Variants in RBMS3 observed in about 807,000 individuals in gnomAD.
RBMS3 encodes the protein RNA binding motif single stranded interacting protein 3.
Under a neutral mutation model 66.8 loss-of-function variants are expected in RBMS3, and 27 were observed. That is an observed-to-expected ratio of 0.40 (90% confidence interval 0.30 to 0.56). The LOEUF is 0.56. Ranked by LOEUF, RBMS3 falls within the 20% of genes least tolerant of loss-of-function variation. The probability of loss-of-function intolerance (pLI) is 0.40; values close to 1 mark genes in which losing one functional copy is unlikely to be tolerated. For missense variants in RBMS3, 513 were observed against 549.5 expected (o/e 0.93, Z 0.66); for synonymous variants, 188 against 183.0 (o/e 1.03, Z -0.22).
intron 11 of RBMS3, 78 bp from the exon 12 acceptor site, chr3:29,944,129 T>A (rs1319911844): frequency 1.5e-6 from 2 of 1,335,754 alleles, no homozygotes; most frequent in African/African-American, 2.9e-5. Flanking sequence ...AGCGGACTCT[T>A]CCACGTGTTA....
rs534562055 is a variant in RBMS3, at chr3:29,490,897, T to C, written c.307+2398T>C. Among the ~76,000 whole-genome samples the C allele has an allele frequency of 1.3e-3, 202 of 152,122 alleles. 1 individual carries two copies. Among genetic ancestry groups the C allele is most frequent in the Admixed American group, 3.3e-4 (5 of 15,276 alleles). Reference sequence around the variant, plus strand: ...TGGGTCAGACAGTTAATAATATTAATCAAGCACCAATCAGAAGCACAAATA... The same window carrying C: ...TGGGTCAGACAGTTAATAATATTAACCAAGCACCAATCAGAAGCACAAATA... On this transcript the variant is annotated intron_variant, in intron 3 of 14. Transcript: ENST00000383767.
intron 6 of RBMS3, among the ~76,000 whole-genome samples, chr3:29,848,727 A>G (rs940496049): frequency 1.3e-5 from 2 of 152,158 alleles, no homozygotes; most frequent in Non-Finnish European, 2.9e-5. Context: ...AATTATTTTT[A>G]AAAAATAAAT....
intron 6 of RBMS3, among the ~76,000 whole-genome samples, chr3:29,777,501 A>G (rs1044545397): frequency 1.8e-4 from 28 of 151,994 alleles, no homozygotes; most frequent in African/African-American, 6.3e-4. Flanking sequence ...ACCATCAACT[A>G]TGATGATTCC....
intron 3 of RBMS3, among the ~76,000 whole-genome samples, chr3:29,523,210 AT>A (rs912750840): frequency 6.6e-6 from 1 of 152,080 alleles, no homozygotes; most frequent in Non-Finnish European, 1.5e-5. Context: ...GCCTCTCAAG[AT>A]TTTTTTGTCT....
Position 29,848,806 on chromosome 3 carries a change from G to GT in RBMS3, c.638-20044dup, listed in dbSNP as rs972027430. Reference sequence around the variant, plus strand: ...TTGTTTTTAAACAGACTTGTAAGAGGTTTTTTTTGTTGTTATTAATAAGTT... The same window carrying GT: ...TTGTTTTTAAACAGACTTGTAAGAGGTTTTTTTTTGTTGTTATTAATAAGTT... On this transcript the variant is annotated intron_variant, in intron 6 of 14. Transcript: ENST00000383767. Among the ~76,000 whole-genome samples the GT allele has an allele frequency of 3.0e-4, 45 of 152,006 alleles. 1 individual carries two copies. Among genetic ancestry groups the GT allele is most frequent in the Admixed American group, 1.6e-3 (24 of 15,254 alleles).
chr3:29,482,889 G>A (rs1032787396), intron 2 of RBMS3, among the ~76,000 whole-genome samples: 1 of 150,790 alleles, frequency 6.6e-6, no homozygotes, highest in Non-Finnish European at 1.5e-5. Flanking sequence ...TGTATTTTTA[G>A]TATAGACGAC....
chr3:29,562,907 A>G (rs2046607336), intron 3 of RBMS3, among the ~76,000 whole-genome samples: 1 of 152,202 alleles, frequency 6.6e-6, no homozygotes, highest in Admixed American at 6.5e-5. Context: ...CAACATTTCT[A>G]GATAGTTTTG....
At chr3:29,354,198 CA>C (rs2037084789) in intron 1 of RBMS3, among the ~76,000 whole-genome samples, 1 of 151,976 alleles carries the variant, frequency 6.6e-6, no homozygotes, top group Non-Finnish European at 1.5e-5. Flanking sequence ...TCAAACTCTG[CA>C]ATTAGGAATA....
At chr3:29,892,892 T>C (rs1376318745) in intron 8 of RBMS3, among the ~76,000 whole-genome samples, 1 of 150,234 alleles carries the variant, frequency 6.7e-6, no homozygotes, top group Non-Finnish European at 1.5e-5. Flanking sequence ...TGTGTGAAAA[T>C]GTTTTCAAAC....
intron 1 of RBMS3, among the ~76,000 whole-genome samples, chr3:29,352,133 A>T (rs893050497): frequency 6.6e-6 from 1 of 152,012 alleles, no homozygotes; most frequent in South Asian, 2.1e-4. Context: ...AAAAATTATG[A>T]TTTCATAATT....
At chr3:29,954,763 C>T (rs1695913696) in intron 12 of RBMS3, among the ~76,000 whole-genome samples, 1 of 151,974 alleles carries the variant, frequency 6.6e-6, no homozygotes. Flanking sequence ...AGGCTGGGTT[C>T]TTATTACATT....
chr3:29,488,632 C>A, intron 3 of RBMS3, 133 bp downstream of exon 3: 1 of 620,022 alleles, frequency 1.6e-6, no homozygotes. Context: ...TTAATGATGC[C>A]AATGTTTTGA....
chr3:29,715,791 A>T (rs967247645), intron 4 of RBMS3, among the ~76,000 whole-genome samples: 3 of 152,144 alleles, frequency 2.0e-5, no homozygotes, highest in African/African-American at 7.2e-5. Flanking sequence ...ACCTGCTGAG[A>T]CATTGTAAGT....
At chr3:29,457,820 A>C (rs9942106) in intron 2 of RBMS3, among the ~76,000 whole-genome samples, 53,811 of 147,450 alleles carry the variant, frequency 0.36, 10,117 homozygotes, top group East Asian at 0.48. Context: ...CCATTTCTCA[A>C]TTTGCACTTT....
intron 1 of RBMS3, among the ~76,000 whole-genome samples, chr3:29,415,730 T>A (rs571981908): frequency 6.6e-6 from 1 of 152,264 alleles, no homozygotes; most frequent in African/African-American, 2.4e-5. Context: ...GAATGCAGCA[T>A]AGGCAGGACT....
intron 6 of RBMS3, among the ~76,000 whole-genome samples, chr3:29,773,353 A>G (rs2149398424): frequency 6.6e-6 from 1 of 152,206 alleles, no homozygotes; most frequent in South Asian, 2.1e-4. Context: ...TGCTTATGAT[A>G]AAATAATTTT....
chr3:29,464,404 A>G (rs1409375510), intron 2 of RBMS3, among the ~76,000 whole-genome samples: 1 of 152,032 alleles, frequency 6.6e-6, no homozygotes. Context: ...ACTGAGGCTC[A>G]CTCTCCTTCT....
At chr3:29,285,851 C>G (rs1164224458) in intron 1 of RBMS3, among the ~76,000 whole-genome samples, 1 of 152,116 alleles carries the variant, frequency 6.6e-6, no homozygotes, top group African/African-American at 2.4e-5. Flanking sequence ...AAAGGATATT[C>G]TTAAAGATGT....
rs574264848 is a variant in RBMS3, at chr3:29,583,310, A to C, written c.308-3804A>C. ...GCCAGAGAGAAGGCACGCTAGACTAAAGGGTGGGAGCCATAAAATAAGAGG... is the reference window on the plus strand; with the variant it reads ...GCCAGAGAGAAGGCACGCTAGACTACAGGGTGGGAGCCATAAAATAAGAGG... On this transcript the variant is annotated intron_variant, in intron 3 of 14. Coordinates refer to ENST00000383767, the MANE Select transcript of RBMS3 (RefSeq NM_001003793.3). Among the ~76,000 whole-genome samples the C allele has an allele frequency of 9.9e-5, 15 of 152,206 alleles. No individual in the cohort carries two copies. In the South Asian group the frequency reaches 3.1e-3, roughly 32 times the overall value.
Sources: gnomAD v4.1 joint callset for allele counts (sites outside exome capture counted in the v4.1 genomes callset) on GRCh38, gnomAD v4.1.1 for gene constraint, MANE v1.5 for transcripts, NCBI Gene and HGNC (gene_info 2026-07-23, HGNC 2026-07-21) for gene names.